The following SPATA31E1 variants were observed in gnomAD, a reference collection of about 807,000 sequenced individuals.
SPATA31E1 encodes spermatogenesis-associated protein 31E1.
SPATA31E1 carries 7 observed loss-of-function variants against 12.9 expected under a neutral mutation model. The ratio of observed to expected loss-of-function variants is 0.54; its 90% CI spans 0.31 to 1.02. The LOEUF is 1.02. Among genes scored for constraint, SPATA31E1 ranks in the 50% least tolerant of loss-of-function variants. SPATA31E1 has a pLI of 0.05. For missense variants in SPATA31E1, 1,961 were observed against 1,799.8 expected, an observed-to-expected ratio of 1.09 and a Z score of -1.62; for synonymous variants, 771 against 719.0, an observed-to-expected ratio of 1.07 and a Z score of -1.16.
Position 87,885,528 on chromosome 9 carries a change from G to GC in SPATA31E1, c.1042dup (p.His348ProfsTer13), listed in dbSNP as rs747309041. On this transcript the variant is annotated frameshift_variant, in exon 4 of 4. Transcript: ENST00000325643. LOFTEE classifies it low-confidence loss of function (END_TRUNC). ...CCTTCTGGGGAGACCCCACACCCAAGCACATGGAGGTAGGTGGCTGCACAT... is the reference window on the plus strand; with the variant it reads ...CCTTCTGGGGAGACCCCACACCCAAGCCACATGGAGGTAGGTGGCTGCACAT... 6.8e-6 allele frequency: 11 copies of GC among 1,614,182 alleles called. No individual in the cohort carries two copies. Among genetic ancestry groups the GC allele is most frequent in the Non-Finnish European group, 9.3e-6 (11 of 1,180,046 alleles).
Position 87,887,315 on chromosome 9 carries a change from A to G in SPATA31E1, c.2828A>G (p.His943Arg), listed in dbSNP as rs768718753. ...PPRGSQSADT[H>R]GRSEAFPTGH... ...AGAGGGTCCCAGTCAGCTGATACCC[A>G]TGGGCGATCAGAGGCCTTTCCGACT... The change falls in exon 4 of 4, where the codon CAT (histidine) becomes CGT (arginine). Residue 943 changes from histidine to arginine, a missense_variant. By Grantham distance (29) the His-to-Arg change is conservative. Coordinates refer to ENST00000325643, the MANE Select transcript of SPATA31E1 (RefSeq NM_178828.5). 3.1e-6 allele frequency: 5 copies of G among 1,613,742 alleles called. No homozygotes were observed. In the South Asian group the frequency reaches 4.4e-5, roughly 14 times the overall value.
chr9:87,887,499 G>C lies in SPATA31E1; in HGVS notation c.3012G>C (p.Glu1004Asp), dbSNP rs1828304280. 1 of 1,613,954 alleles carries C rather than the reference G, an allele frequency of 6.2e-7. No individual in the cohort carries two copies. Among genetic ancestry groups the C allele is most frequent in the Non-Finnish European group, 8.5e-7 (1 of 1,180,040 alleles). ...MAGNEAWLES[E>D]SMSPGDPCSS... ...GGAACGAGGCATGGCTTGAGAGTGA[G>C]AGCATGTCCCCAGGAGACCCCTGTA... Residue 1004 changes from glutamate (E) to aspartate (D), a missense_variant, in exon 4 of 4, where the codon GAG becomes GAC. Physicochemically the swap from Glu to Asp is conservative, Grantham distance 45 (BLOSUM62 2). Coordinates refer to ENST00000325643, the MANE Select transcript of SPATA31E1 (RefSeq NM_178828.5).
intron 3 of SPATA31E1, 43 bp downstream of exon 3, chr9:87,884,694 G>A: frequency 5.6e-6 from 9 of 1,611,312 alleles, no homozygotes; most frequent in Non-Finnish European, 6.8e-6. Context: ...CTTCCTACCA[G>A]GGCCTCTGAT....
intron 1 of SPATA31E1, among the ~76,000 whole-genome samples, chr9:87,883,779 T>C (rs533723871): frequency 1.3e-5 from 2 of 152,146 alleles, no homozygotes; most frequent in Non-Finnish European, 2.9e-5. Context: ...GACAGCCAGG[T>C]TGGAGTCACA....
Position 87,887,738 on chromosome 9 carries a change from C to T in SPATA31E1, c.3251C>T (p.Ala1084Val), listed in dbSNP as rs1828309443. The T allele has an allele frequency of 1.2e-6, 2 of 1,614,006 alleles. No individual in the cohort carries two copies. The highest frequency in any genetic ancestry group is 1.7e-6 in the Non-Finnish European group (2 of 1,180,048). Residue 1084 changes from alanine to valine, a missense_variant, in exon 4 of 4, where the codon GCT (alanine) becomes GTT (valine). By Grantham distance (64) the Ala-to-Val change is moderately conservative (BLOSUM62 0). Transcript: ENST00000325643. ...CCCTCAGCGTCTTCAGTCTGTGTTG[C>T]TCAGGATCCAGAGCAGCTGCACCTG... ...GNPSASSVCV[A>V]QDPEQLHLKA...
rs748958456 is a variant in SPATA31E1, at chr9:87,885,680, G to A, written c.1193G>A (p.Trp398Ter). The change falls in exon 4 of 4, where the codon TGG (tryptophan) becomes TAG (stop). Residue 398 changes from tryptophan (W) to a stop codon, truncating the protein, a stop_gained. Coordinates refer to ENST00000325643, the MANE Select transcript of SPATA31E1 (RefSeq NM_178828.5). LOFTEE classifies it low-confidence loss of function (END_TRUNC). ...HPHMTSLGKE[W>*]DITTLNPFWN... Reference sequence around the variant, plus strand: ...CACATGACATCACTGGGGAAGGAGTGGGACATCACGACCCTAAATCCCTTC... The same window carrying A: ...CACATGACATCACTGGGGAAGGAGTAGGACATCACGACCCTAAATCCCTTC... The A allele has an allele frequency of 6.8e-6, 11 of 1,613,588 alleles. No individual in the cohort carries two copies. Among genetic ancestry groups the A allele is most frequent in the Non-Finnish European group, 9.3e-6 (11 of 1,180,018 alleles).
chr9:87,888,299 C>T lies in SPATA31E1; in HGVS notation c.3812C>T (p.Pro1271Leu), dbSNP rs370626917. ...TTCCAGAGAAAGATCAGTCACCATC[C>T]ACAGGGTCTACACCCCAGGAAAGGA... ...SHFQRKISHH[P>L]QGLHPRKGGT... Residue 1271 changes from proline to leucine, a missense_variant, in exon 4 of 4, where the codon CCA becomes CTA. By Grantham distance (98) the Pro-to-Leu change is moderately conservative. Transcript: ENST00000325643. 1.7e-5 allele frequency: 28 copies of T among 1,614,028 alleles called. No homozygotes were observed. The highest frequency in any genetic ancestry group is 2.4e-5 in the Non-Finnish European group (28 of 1,180,034).
Position 87,887,711 on chromosome 9 carries a change from AC to A in SPATA31E1, c.3228del (p.Ser1077GlnfsTer16). ...RSTGALGTTG[N>X]PSASSVCVAQ... Reference sequence around the variant, plus strand: ...ACAGGGGCTCTGGGGACCACTGGTAACCCCTCAGCGTCTTCAGTCTGTGTTG... The same window carrying A: ...ACAGGGGCTCTGGGGACCACTGGTAACCCTCAGCGTCTTCAGTCTGTGTTG... On this transcript the variant is annotated frameshift_variant, in exon 4 of 4. Transcript: ENST00000325643. LOFTEE classifies it low-confidence loss of function (END_TRUNC). 6.2e-7 allele frequency: 1 copy of A among 1,614,034 alleles called. No homozygotes were observed.
rs150193698 is a variant in SPATA31E1 at position 87,885,995 on chromosome 9, C to A, written c.1508C>A (p.Pro503His). The stretch of plus-strand genomic sequence containing the variant: ...CCCCAGCCCCACCACATGGCCCAGC[C>A]CCAACATTTCACTCCAGCCTGGCCC... ...APPQPHHMAQ[P>H]QHFTPAWPQS... The change falls in exon 4 of 4, where the codon CCC (proline) becomes CAC (histidine). Residue 503 changes from proline to histidine, a missense_variant. Physicochemically the swap from Pro to His is moderately conservative, Grantham distance 77. Transcript: ENST00000325643. The A allele has an allele frequency of 2.9e-5, 46 of 1,613,024 alleles. No individual in the cohort carries two copies. Among genetic ancestry groups the A allele is most frequent in the Non-Finnish European group, 3.6e-5 (43 of 1,179,768 alleles).
Position 87,888,157 on chromosome 9 carries a change from A to G in SPATA31E1, c.3670A>G (p.Thr1224Ala). Residue 1224 changes from threonine (T) to alanine (A), a missense_variant, in exon 4 of 4, where the codon ACC (threonine) becomes GCC (alanine). Transcript: ENST00000325643. ...GGGACACAGGTCCAAGGGACCCAGGACCTCTGAAGCCAGTGGGAGGAGCCA... is the reference window on the plus strand; with the variant it reads ...GGGACACAGGTCCAAGGGACCCAGGGCCTCTGAAGCCAGTGGGAGGAGCCA... Reference protein sequence around the residue: ...EQGHRSKGPRTSEASGRSHPA... With the variant: ...EQGHRSKGPRASEASGRSHPA... 1 of 1,612,202 alleles carries G rather than the reference A, an allele frequency of 6.2e-7. No individual in the cohort carries two copies. The highest frequency in any genetic ancestry group is 1.3e-5 in the African/African-American group (1 of 74,994).
Position 87,887,381 on chromosome 9 carries a change from G to A in SPATA31E1, c.2894G>A (p.Ser965Asn), listed in dbSNP as rs781255120. The stretch of plus-strand genomic sequence containing the variant: ...GGGTGTTCTCAGCCCCCAACATGCA[G>A]CCTTGTGGGCAGAACCTGGCAGAGC... ...GRGCSQPPTC[S>N]LVGRTWQSRT... Residue 965 changes from serine to asparagine, a missense_variant, in exon 4 of 4, where the codon AGC (serine) becomes AAC (asparagine). Coordinates refer to ENST00000325643, the MANE Select transcript of SPATA31E1 (RefSeq NM_178828.5). The A allele has an allele frequency of 3.1e-6, 5 of 1,613,696 alleles. No homozygotes were observed. The highest frequency in any genetic ancestry group is 1.7e-5 in the Admixed American group (1 of 60,012).
rs542911158 is a variant in SPATA31E1, at chr9:87,885,392, C to T, written c.905C>T (p.Pro302Leu). ...VISGLGCSSD[P>L]IWDLYCWREA... is the part of the protein sequence containing the mutation. ...TCTGGCCTGGGGTGCTCCAGCGATC[C>T]CATCTGGGACCTCTATTGCTGGAGG... Residue 302 changes from proline to leucine, a missense_variant, in exon 4 of 4, where the codon CCC becomes CTC. Transcript: ENST00000325643. 4 of 1,613,964 alleles carry T rather than the reference C, an allele frequency of 2.5e-6. 1 individual carries two copies. The South Asian group carries it at 4.4e-5, about 18-fold the overall frequency.
rs1477623707 is a variant in SPATA31E1, at chr9:87,886,002, T to G, written c.1515T>G (p.His505Gln). The change falls in exon 4 of 4, where the codon CAT becomes CAG. Residue 505 changes from histidine (H) to glutamine (Q), a missense_variant. By Grantham distance (24) the His-to-Gln change is conservative. Transcript: ENST00000325643. The stretch of plus-strand genomic sequence containing the variant: ...CCCACCACATGGCCCAGCCCCAACA[T>G]TTCACTCCAGCCTGGCCCCAGTCCC... ...PQPHHMAQPQ[H>Q]FTPAWPQSQP... 6.2e-7 allele frequency: 1 copy of G among 1,612,692 alleles called. No homozygotes were observed. The highest frequency in any genetic ancestry group is 1.7e-5 in the Admixed American group (1 of 59,948).
chr9:87,884,202 TG>T (rs920614733), intron 2 of SPATA31E1, among the ~76,000 whole-genome samples, 156 bp downstream of exon 2: 1 of 152,334 alleles, frequency 6.6e-6, no homozygotes, highest in Non-Finnish European at 1.5e-5. Context: ...GCCACGGGCC[TG>T]GGACCGGTAT....
Position 87,885,283 on chromosome 9 carries a change from C to G in SPATA31E1, c.796C>G (p.Leu266Val), listed in dbSNP as rs200867582. Residue 266 changes from leucine to valine, a missense_variant, in exon 4 of 4, where the codon CTT (leucine) becomes GTT (valine). By Grantham distance (32) the Leu-to-Val change is conservative. Coordinates refer to ENST00000325643, the MANE Select transcript of SPATA31E1 (RefSeq NM_178828.5). ...TCCACCCGACTCCAGCCTGGCTGGA[C>G]TTCAGTGTGGCTCCACAACATGCCC... The part of the protein sequence containing the change: ...PPPPDSSLAG[L>V]QCGSTTCPVP... The G allele has an allele frequency of 6.2e-7, 1 of 1,614,060 alleles. No individual in the cohort carries two copies. The highest frequency in any genetic ancestry group is 8.5e-7 in the Non-Finnish European group (1 of 1,179,964).
rs777945449 is a variant in SPATA31E1 at position 87,887,240 on chromosome 9, G to A, written c.2753G>A (p.Gly918Asp). Reference protein sequence around the residue: ...TTSKSVPTVSGPLAAPPPEQE... With the variant: ...TTSKSVPTVSDPLAAPPPEQE... ...AGCAAGTCAGTCCCGACCGTGAGTG[G>A]CCCTCTCGCTGCCCCACCGCCTGAG... The change falls in exon 4 of 4, where the codon GGC becomes GAC. Residue 918 changes from glycine (G) to aspartate (D), a missense_variant. Gly to Asp is a moderately conservative substitution (Grantham distance 94). Transcript: ENST00000325643. 5.0e-6 allele frequency: 8 copies of A among 1,613,906 alleles called. No homozygotes were observed. Among genetic ancestry groups the A allele is most frequent in the Non-Finnish European group, 6.8e-6 (8 of 1,180,034 alleles).
chr9:87,883,968 C>A (rs1458165807), intron 1 of SPATA31E1, 24 bp from the exon 2 acceptor site: 11 of 1,598,262 alleles, frequency 6.9e-6, no homozygotes, highest in Non-Finnish European at 9.4e-6. Context: ...TGGTCCCAGC[C>A]CCTCATCCTT....
chr9:87,888,037 G>A lies in SPATA31E1; in HGVS notation c.3550G>A (p.Gly1184Arg). 1 of 1,610,036 alleles carries A rather than the reference G, an allele frequency of 6.2e-7. No individual in the cohort carries two copies. Among genetic ancestry groups the A allele is most frequent in the African/African-American group, 1.3e-5 (1 of 74,958 alleles). The change falls in exon 4 of 4, where the codon GGG becomes AGG. Residue 1184 changes from glycine (G) to arginine (R), a missense_variant. Gly to Arg is a moderately radical substitution (Grantham distance 125). Transcript: ENST00000325643. The stretch of plus-strand genomic sequence containing the variant: ...GGACAGTCCAGGGCAGCAGGAGCCT[G>A]GGAGCCCAAAAGCAAAGGCCCCACA... ...GGDSPGQQEP[G>R]SPKAKAPQKS...
At chr9:87,884,857 CA>C (rs1564127734) in intron 3 of SPATA31E1, 55 bp from the exon 4 acceptor site, 1 of 1,547,428 alleles carries the variant, frequency 6.5e-7, no homozygotes, top group Non-Finnish European at 8.7e-7. Context: ...CCACCCGTCC[CA>C]GCTTCCCGGC....
Sources: gnomAD v4.1 joint callset for allele counts (sites outside exome capture counted in the v4.1 genomes callset) on GRCh38, gnomAD v4.1.1 for gene constraint, MANE v1.5 for transcripts, NCBI Gene and HGNC (gene_info 2026-07-23, HGNC 2026-07-21) for gene names.